ZNF462: variants seen among roughly 807,000 people sequenced by gnomAD.
ZNF462 encodes zinc finger PBX1-interacting protein.
In ZNF462, 10 loss-of-function variants were observed where a neutral mutation model predicts 201.9. The ratio of observed to expected loss-of-function variants is 0.05; its 90% confidence interval spans 0.03 to 0.08. ZNF462 has a LOEUF of 0.08. Among genes scored for constraint, ZNF462 ranks in the 10% least tolerant of loss-of-function variants. The pLI is 1.00. For synonymous variants in ZNF462, 1,227 were observed against 1,193.3 expected (o/e 1.03, Z -0.58); for missense variants, 2,523 against 3,168.3 (o/e 0.80, Z 4.89).
At chr9:106,879,342 C>G (rs1827988196) in intron 1 of ZNF462, among the ~76,000 whole-genome samples, 1 of 116,380 alleles carries the variant, frequency 8.6e-6, no homozygotes, top group Non-Finnish European at 1.8e-5. Flanking sequence ...ACCCCCCCCC[C>G]CACCCCCCAC....
chr9:106,888,972 C>G lies in ZNF462; in HGVS notation c.-31+25617C>G, dbSNP rs1442070691. On this transcript the variant is annotated intron_variant, in intron 1 of 12. Transcript: ENST00000277225. ...GAACAAACTACTTTTAATTCCTTTT[C>G]CTCTTAGTTGTTTCAGCAGAATGAT... 4.6e-5 allele frequency among the ~76,000 whole-genome samples: 7 copies of G among 152,266 alleles called. No individual in the cohort carries two copies. The East Asian group carries it at 1.3e-3, about 29-fold the overall frequency.
At chr9:106,875,003 A>G (rs4743035) in intron 1 of ZNF462, among the ~76,000 whole-genome samples, 32,690 of 152,166 alleles carry the variant, frequency 0.21, 3,598 homozygotes, top group African/African-American at 0.28. Flanking sequence ...TGATTGCCCA[A>G]TTGCTGCTTC....
intron 1 of ZNF462, among the ~76,000 whole-genome samples, chr9:106,892,680 A>ACACACACACATG (rs931673611): frequency 6.8e-6 from 1 of 147,212 alleles, no homozygotes; most frequent in Non-Finnish European, 1.5e-5. Flanking sequence ...ATATACTCAC[A>ACACACACACATG]CACACACACA....
intron 7 of ZNF462, among the ~76,000 whole-genome samples, chr9:106,944,121 A>G (rs1460019430): frequency 1.3e-5 from 2 of 152,154 alleles, no homozygotes; most frequent in African/African-American, 2.4e-5. Flanking sequence ...AGAAATGAAC[A>G]TTTCTAGTAT....
intron 10 of ZNF462, among the ~76,000 whole-genome samples, chr9:106,988,342 A>G (rs775043321): frequency 8.5e-5 from 13 of 152,058 alleles, no homozygotes; most frequent in Non-Finnish European, 1.9e-4. Context: ...CTACCACAAG[A>G]ACAGTATGGG....
At chr9:106,893,014 G>T (rs1339524914) in intron 1 of ZNF462, among the ~76,000 whole-genome samples, 1 of 152,188 alleles carries the variant, frequency 6.6e-6, no homozygotes, top group Non-Finnish European at 1.5e-5. Flanking sequence ...ATATCTCAGA[G>T]CAAATTCCTG....
rs75391110 is a variant in ZNF462, at chr9:106,993,444, T to C, written c.7056+9035T>C. Among the ~76,000 whole-genome samples the C allele has an allele frequency of 0.022, 3,295 of 152,200 alleles. 112 individuals are homozygous for C. The highest frequency in any genetic ancestry group is 0.075 in the African/African-American group (3,114 of 41,534). On this transcript the variant is annotated intron_variant, in intron 10 of 12. Transcript: ENST00000277225. This position sits in a 1 kb window ranked among gnomAD's most constrained non-coding sequence, Gnocchi z 4.0. ...TAAACACAATCTTTCCTCCTAGATC[T>C]TTATCTTTGTTACTAGTGAGCGAGG...
rs116257753 is a variant in ZNF462 at position 106,897,376 on chromosome 9, T to C, written c.-30-25978T>C. Among the ~76,000 whole-genome samples the C allele has an allele frequency of 4.2e-3, 642 of 152,350 alleles. 6 individuals are homozygous for C. The highest frequency in any genetic ancestry group is 0.015 in the African/African-American group (623 of 41,584). On this transcript the variant is annotated intron_variant, in intron 1 of 12. Coordinates refer to ENST00000277225, the MANE Select transcript of ZNF462 (RefSeq NM_021224.6). ...TTGGTATGCAGGAAAAAGAACTAGA[T>C]GCCTGGGGTTCTTAGCTTTGGTGAC...
Position 106,928,004 on chromosome 9 carries a change from C to T in ZNF462, c.4092C>T (p.Ala1364=), listed in dbSNP as rs185250462. ...CCCCTCCCTCTCTCACAATGCCAGC[C>T]GAAGCCAAAACCTACAGATGCAGGG... ...DPSPPSLTMP[A]EAKTYRCRDC... is the part of the protein sequence containing the mutation. The change falls in exon 3 of 13, where the codon GCC becomes GCT. Residue 1364 remains alanine, a synonymous_variant. Coordinates refer to ENST00000277225, the MANE Select transcript of ZNF462 (RefSeq NM_021224.6). This position sits in a 1 kb window ranked among gnomAD's most constrained non-coding sequence, Gnocchi z 9.3. The T allele has an allele frequency of 1.5e-4, 244 of 1,614,150 alleles. No homozygotes were observed. The highest frequency in any genetic ancestry group is 1.8e-4 in the Non-Finnish European group (218 of 1,180,022).
Position 106,981,805 on chromosome 9 carries a change from G to A in ZNF462, c.6833-2381G>A, listed in dbSNP as rs1827454472. ...ATTGTGGAGAAGTGAAGACTGGAGA[G>A]TCACTGAATGACTATCTTTGAGGCG... On this transcript the variant is annotated intron_variant, in intron 9 of 12. Coordinates refer to ENST00000277225, the MANE Select transcript of ZNF462 (RefSeq NM_021224.6). The surrounding 1 kb of genome is among the most constrained non-coding windows in gnomAD (Gnocchi z 4.0). 6.6e-6 allele frequency among the ~76,000 whole-genome samples: 1 copy of A among 152,178 alleles called. No homozygotes were observed. The highest frequency in any genetic ancestry group is 1.5e-5 in the Non-Finnish European group (1 of 68,030).
At chr9:106,940,696 A>G (rs540862380) in intron 7 of ZNF462, among the ~76,000 whole-genome samples, 12 of 152,198 alleles carry the variant, frequency 7.9e-5, no homozygotes, top group Admixed American at 2.0e-4. Context: ...TGAAGTGACC[A>G]CACAATCTCC....
chr9:106,900,004 CCCCCCAAGT>C (rs1428981709), intron 1 of ZNF462, among the ~76,000 whole-genome samples: 2 of 143,740 alleles, frequency 1.4e-5, no homozygotes, highest in African/African-American at 5.0e-5. Flanking sequence ...TCCCACTCTT[CCCCCCAAGT>C]CCCCAAAGTC....
chr9:106,982,976 A>G (rs1356329340), intron 9 of ZNF462, among the ~76,000 whole-genome samples: 2 of 152,190 alleles, frequency 1.3e-5, no homozygotes, highest in Middle Eastern at 3.2e-3. Context: ...TGACTTAATA[A>G]TACATTGCTG....
In ZNF462 at chr9:107,008,092, G is replaced by A. The variant is rs956429807; in HGVS notation, c.7190-1453G>A. Among the ~76,000 whole-genome samples the A allele has an allele frequency of 6.6e-6, 1 of 152,006 alleles. No individual in the cohort carries two copies. The highest frequency in any genetic ancestry group is 1.5e-5 in the Non-Finnish European group (1 of 68,024). ...GGAAGATTTGAAAGAGAAGAATCCAGGCATGAAGAAATCAAAATTAACCCA... is the reference window on the plus strand; with the variant it reads ...GGAAGATTTGAAAGAGAAGAATCCAAGCATGAAGAAATCAAAATTAACCCA... On this transcript the variant is annotated intron_variant, in intron 11 of 12. Transcript: ENST00000277225. This position sits in a 1 kb window ranked among gnomAD's most constrained non-coding sequence, Gnocchi z 4.8.
chr9:106,920,530 G>A lies in ZNF462; in HGVS notation c.-30-2824G>A, dbSNP rs1829948500. 6.6e-6 allele frequency among the ~76,000 whole-genome samples: 1 copy of A among 152,176 alleles called. No homozygotes were observed. Among genetic ancestry groups the A allele is most frequent in the Non-Finnish European group, 1.5e-5 (1 of 68,036 alleles). On this transcript the variant is annotated intron_variant, in intron 1 of 12. Transcript: ENST00000277225. This position sits in a 1 kb window ranked among gnomAD's most constrained non-coding sequence, Gnocchi z 4.3. ...CGGCCTGGAGATTAACCTCTTCTAA[G>A]GCTCTGAGCTATTTTTGAGGCAGAG...
chr9:106,991,308 A>T (rs899033460), intron 10 of ZNF462, among the ~76,000 whole-genome samples: 1 of 152,034 alleles, frequency 6.6e-6, no homozygotes, highest in African/African-American at 2.4e-5. Context: ...AGTTTCATGT[A>T]CAATAACATC....
In ZNF462 at chr9:106,971,366, TA is replaced by T. The variant is rs71491265; in HGVS notation, c.6428-628del. ...CCTGTTGCCATGCTGCGATTTCCTT[TA>T]AAAAAAAAAACAACAACAACAAAAT... On this transcript the variant is annotated intron_variant, in intron 7 of 12. Coordinates refer to ENST00000277225, the MANE Select transcript of ZNF462 (RefSeq NM_021224.6). Among the ~76,000 whole-genome samples the T allele has an allele frequency of 8.8e-3, 1,114 of 126,752 alleles. 4 individuals are homozygous for T. Among genetic ancestry groups the T allele is most frequent in the Admixed American group, 0.013 (169 of 13,224 alleles). 83.2% of individuals were successfully genotyped at this position (126,752 alleles called of 152,430 possible).
chr9:106,887,082 G>T (rs1828352782), intron 1 of ZNF462, among the ~76,000 whole-genome samples: 1 of 152,216 alleles, frequency 6.6e-6, no homozygotes. Flanking sequence ...AGAATATTTA[G>T]TCAAGGGCAG....
intron 6 of ZNF462, among the ~76,000 whole-genome samples, chr9:106,937,140 T>G (rs1830664015): frequency 6.6e-6 from 1 of 152,136 alleles, no homozygotes; most frequent in African/African-American, 2.4e-5. Context: ...CCCAAACATC[T>G]GGATTTGAAT....
Sources: gnomAD v4.1 joint callset for allele counts (sites outside exome capture counted in the v4.1 genomes callset) on GRCh38, gnomAD v4.1.1 for gene constraint, Gnocchi (gnomAD v3.1) non-coding constraint, MANE v1.5 for transcripts, NCBI Gene and HGNC (gene_info 2026-07-23, HGNC 2026-07-21) for gene names.